NLK: variants seen among roughly 807,000 people sequenced by gnomAD.
NLK encodes nemo like kinase.
In NLK, 11 loss-of-function variants were observed where a neutral mutation model predicts 59.0. The ratio of observed to expected loss-of-function variants is 0.19; its 90% CI spans 0.12 to 0.31. The LOEUF (loss-of-function observed/expected upper bound fraction) is 0.31. Among genes scored for constraint, NLK ranks in the 10% least tolerant of loss-of-function variants. The pLI is 1.00. For synonymous variants in NLK, 235 were observed against 235.9 expected, an observed-to-expected ratio of 1.00 and a Z score of 0.03; for missense variants, 410 against 661.1, an observed-to-expected ratio of 0.62 and a Z score of 4.16.
At chr17:28,118,450 A>T (rs921666726) in intron 1 of NLK, among the ~76,000 whole-genome samples, 6 of 152,224 alleles carry the variant, frequency 3.9e-5, no homozygotes, top group Non-Finnish European at 7.3e-5. Context: ...GATTCTTCAC[A>T]TAAAAATGAA....
intron 5 of NLK, among the ~76,000 whole-genome samples, chr17:28,164,118 C>T (rs1195454476): frequency 6.6e-6 from 1 of 152,100 alleles, no homozygotes; most frequent in Non-Finnish European, 1.5e-5. Flanking sequence ...GCCTGTAATT[C>T]CAGCATTTTG....
the NLK span, among the ~76,000 whole-genome samples, chr17:28,201,485 A>C: frequency 6.6e-6 from 1 of 150,632 alleles, no homozygotes; most frequent in East Asian, 2.0e-4. Flanking sequence ...TGGAGGTTGC[A>C]GTGAGCCAAG....
In NLK at chr17:28,168,759, T is replaced by G. The variant is rs574768911; in HGVS notation, c.1047+102T>G. 9.2e-6 allele frequency: 8 copies of G among 873,970 alleles called. No homozygotes were observed. In the Admixed American group the frequency reaches 1.0e-4, roughly 11 times the overall value. 54.1% of individuals were successfully genotyped at this position (873,970 alleles called of 1,614,324 possible). A position where few individuals can be genotyped will look rare whatever the true frequency, so the allele number is the denominator to read the frequency against. On this transcript the variant is annotated intron_variant, in intron 6 of 10. Transcript: ENST00000407008. ...GGGCTTATTCATTATACTGTCTAAT[T>G]TGCTTTTAGGAAATTCAGGTTCACT...
At chr17:28,123,953 C>A (rs959094942) in intron 2 of NLK, among the ~76,000 whole-genome samples, 1 of 152,136 alleles carries the variant, frequency 6.6e-6, no homozygotes, top group African/African-American at 2.4e-5. Flanking sequence ...ATTATGATTT[C>A]TCATGAGTCT....
intron 1 of NLK, among the ~76,000 whole-genome samples, chr17:28,059,774 CT>C (rs1205426039): frequency 1.3e-5 from 2 of 152,126 alleles, no homozygotes; most frequent in African/African-American, 4.8e-5. Context: ...TTGCTGATCT[CT>C]GTGGTGTAAA....
At chr17:28,191,361 G>A (rs964673319) in intron 9 of NLK, 142 bp downstream of exon 9, 22 of 569,966 alleles carry the variant, frequency 3.9e-5, no homozygotes, top group Non-Finnish European at 5.7e-5. Flanking sequence ...CTGTGTGTCC[G>A]GGGCATAACA....
intron 3 of NLK, among the ~76,000 whole-genome samples, chr17:28,148,304 T>C (rs771966944): frequency 1.3e-5 from 2 of 152,104 alleles, no homozygotes; most frequent in African/African-American, 2.4e-5. Flanking sequence ...CATAAACATT[T>C]ATACACATTT....
At chr17:28,126,448 A>G (rs531443924) in intron 2 of NLK, among the ~76,000 whole-genome samples, 7 of 152,354 alleles carry the variant, frequency 4.6e-5, no homozygotes, top group African/African-American at 1.4e-4. Context: ...CAGAGAAGGA[A>G]AATCTTAATA....
At chr17:28,138,625 A>G (rs1286677628) in intron 3 of NLK, among the ~76,000 whole-genome samples, 2 of 152,182 alleles carry the variant, frequency 1.3e-5, no homozygotes, top group Non-Finnish European at 2.9e-5. Context: ...TGGAAACAAA[A>G]TGCATATATG....
At chr17:28,146,292 A>G (rs1323524258) in intron 3 of NLK, among the ~76,000 whole-genome samples, 1 of 152,200 alleles carries the variant, frequency 6.6e-6, no homozygotes, top group Non-Finnish European at 1.5e-5. Context: ...GAATAAATGA[A>G]TTAATGTACG....
In NLK at chr17:28,117,549, C is replaced by A. The variant is rs35711719; in HGVS notation, c.459-5054C>A. Among the ~76,000 whole-genome samples the A allele has an allele frequency of 6.6e-3, 997 of 152,162 alleles. 17 individuals are homozygous for A. Among genetic ancestry groups the A allele is most frequent in the African/African-American group, 0.022 (932 of 41,512 alleles). The stretch of plus-strand genomic sequence containing the variant: ...CACAGAGTTAGAGGATGTTTAAGTT[C>A]TTATTTAACTCTTTCAGTCAAATAT... On this transcript the variant is annotated intron_variant, in intron 1 of 10. Transcript: ENST00000407008.
At chr17:28,192,543 C>CT (rs2142074912) in intron 10 of NLK, among the ~76,000 whole-genome samples, 1 of 152,194 alleles carries the variant, frequency 6.6e-6, no homozygotes, top group South Asian at 2.1e-4. Flanking sequence ...TGGTGCATGC[C>CT]TGTAACCCCA....
chr17:28,122,648 G>A lies in NLK; in HGVS notation c.504G>A (p.Lys168=), dbSNP rs1251522901. 6.2e-7 allele frequency: 1 copy of A among 1,613,820 alleles called. No individual in the cohort carries two copies. Among genetic ancestry groups the A allele is most frequent in the Non-Finnish European group, 8.5e-7 (1 of 1,179,796 alleles). ...ATGGAAAGAGAGTAGCGCTCAAAAA[G>A]ATGCCCAACGTCTTCCAGAATCTGG... ...PRDGKRVALK[K]MPNVFQNLVS... The change falls in exon 2 of 11, where the codon AAG becomes AAA. Residue 168 remains lysine (K), a synonymous_variant. Coordinates refer to ENST00000407008, the MANE Select transcript of NLK (RefSeq NM_016231.5).
intron 4 of NLK, among the ~76,000 whole-genome samples, chr17:28,162,042 G>A (rs1210892883): frequency 6.6e-6 from 1 of 151,950 alleles, no homozygotes; most frequent in African/African-American, 2.4e-5. Flanking sequence ...TTCAGACAGA[G>A]TCTTGCTCTG....
chr17:28,054,094 C>T (rs772414709), intron 1 of NLK, among the ~76,000 whole-genome samples: 7 of 152,160 alleles, frequency 4.6e-5, no homozygotes, highest in South Asian at 4.2e-4. Flanking sequence ...AATACAGATG[C>T]GGAGGAAATT....
At chr17:28,163,486 T>C (rs776347327) in intron 4 of NLK, 57 bp from the exon 5 acceptor site, 16 of 1,010,802 alleles carry the variant, frequency 1.6e-5, no homozygotes, top group Admixed American at 6.7e-5. Flanking sequence ...TTTTTTTAAA[T>C]TATTGGTTGA....
intron 1 of NLK, among the ~76,000 whole-genome samples, chr17:28,096,826 C>A (rs984633582): frequency 2.0e-5 from 3 of 152,140 alleles, no homozygotes; most frequent in African/African-American, 7.2e-5. Context: ...AAGAAGAAAT[C>A]CCTTACTACT....
intron 1 of NLK, among the ~76,000 whole-genome samples, chr17:28,104,018 T>G (rs1376596170): frequency 6.6e-6 from 1 of 152,230 alleles, no homozygotes; most frequent in Non-Finnish European, 1.5e-5. Context: ...ATTCATTTTA[T>G]TACATTATTC....
chr17:28,110,683 A>G lies in NLK; in HGVS notation c.459-11920A>G, dbSNP rs1277583721. Among the ~76,000 whole-genome samples, 3 of 151,512 alleles carry G rather than the reference A, an allele frequency of 2.0e-5. No homozygotes were observed. In the East Asian group the frequency reaches 5.8e-4, roughly 29 times the overall value. ...TCTCTGAGGTTTTGTTCATTTTTTC[A>G]AACTTTTTTCTTCGTTTCTAATATG... is the stretch of plus-strand genomic sequence containing the variant. On this transcript the variant is annotated intron_variant, in intron 1 of 10. Coordinates refer to ENST00000407008, the MANE Select transcript of NLK (RefSeq NM_016231.5).
Sources: allele counts gnomAD v4.1 joint callset (sites outside exome capture counted in the v4.1 genomes callset), GRCh38; gene constraint gnomAD v4.1.1; transcripts MANE v1.5; gene names NCBI Gene and HGNC (gene_info 2026-07-23, HGNC 2026-07-21).